The following PKIG variants were observed in gnomAD, a reference collection of about 807,000 sequenced individuals.
PKIG encodes the protein protein kinase (cAMP-dependent, catalytic) inhibitor gamma.
PKIG carries 1 observed loss-of-function variant against 6.8 expected under a neutral mutation model. That is an observed-to-expected ratio of 0.15 (90% CI 0.05 to 0.69). The LOEUF (loss-of-function observed/expected upper bound fraction) is 0.69, where lower values mean the gene tolerates loss of function less well. PKIG is among the 30% of genes least tolerant of loss of function. The pLI, the probability that PKIG is intolerant of heterozygous loss-of-function variation, is 0.82. For synonymous variants in PKIG, 39 were observed against 43.0 expected (o/e 0.91, Z 0.36); for missense variants, 77 against 104.0 (o/e 0.74, Z 1.13).
intron 1 of PKIG, among the ~76,000 whole-genome samples, chr20:44,571,500 A>C (rs772866622): frequency 1.3e-5 from 2 of 152,174 alleles, no homozygotes; most frequent in Non-Finnish European, 2.9e-5. Context: ...CCATTATACT[A>C]TAAACCGTTG....
In PKIG at chr20:44,610,980, C is replaced by A. The variant is rs557324232; in HGVS notation, c.-23-3554C>A. 4.0e-5 allele frequency among the ~76,000 whole-genome samples: 6 copies of A among 151,750 alleles called. No individual in the cohort carries two copies. The South Asian group carries it at 6.2e-4, about 16-fold the overall frequency. ...AGATCAGGGCAGTTAGCATATCCAT[C>A]ATCTCATGCATTTATTTCTTTGTGA... On this transcript the variant is annotated intron_variant, in intron 2 of 3. Transcript: ENST00000372886.
chr20:44,617,964 C>T (rs1384504528), intron 3 of PKIG, among the ~76,000 whole-genome samples: 2 of 152,092 alleles, frequency 1.3e-5, no homozygotes, highest in East Asian at 1.9e-4. Flanking sequence ...GGGGACTTAA[C>T]ATCTGGCCTC....
intron 2 of PKIG, among the ~76,000 whole-genome samples, chr20:44,597,502 A>AT (rs1182389329): frequency 3.9e-5 from 6 of 152,200 alleles, no homozygotes. Flanking sequence ...GAAGGAATGG[A>AT]TGAATACTAT....
intron 2 of PKIG, among the ~76,000 whole-genome samples, chr20:44,605,564 C>T (rs890895789): frequency 2.0e-5 from 3 of 151,956 alleles, no homozygotes; most frequent in African/African-American, 7.3e-5. Context: ...CTAATTCATA[C>T]CTTATTACAG....
chr20:44,590,669 G>A (rs2123384461), intron 2 of PKIG, among the ~76,000 whole-genome samples: 1 of 152,246 alleles, frequency 6.6e-6, no homozygotes, highest in East Asian at 1.9e-4. Context: ...GGTTGTTAAG[G>A]TATCAGAATT....
intron 1 of PKIG, among the ~76,000 whole-genome samples, chr20:44,555,006 A>G (rs1346585309): frequency 6.6e-6 from 1 of 152,188 alleles, no homozygotes; most frequent in Admixed American, 6.5e-5. Flanking sequence ...GTTGAAGCTT[A>G]ATATCATTTA....
chr20:44,540,043 G>C (rs1228450890), intron 1 of PKIG, among the ~76,000 whole-genome samples: 1 of 151,728 alleles, frequency 6.6e-6, no homozygotes, highest in Non-Finnish European at 1.5e-5. Context: ...TCACTGCAAC[G>C]TCCACCTCCA....
chr20:44,603,496 A>C (rs1600892997), intron 2 of PKIG, among the ~76,000 whole-genome samples: 1 of 151,970 alleles, frequency 6.6e-6, no homozygotes, highest in East Asian at 1.9e-4. Context: ...GATGCCTTCT[A>C]CCCTGCCACC....
chr20:44,559,684 T>C (rs1053340513), intron 1 of PKIG, among the ~76,000 whole-genome samples: 1 of 152,230 alleles, frequency 6.6e-6, no homozygotes, highest in African/African-American at 2.4e-5. Flanking sequence ...ACTTAAAAAA[T>C]GATACATTTC....
chr20:44,568,258 A>G (rs1393241946), intron 1 of PKIG, among the ~76,000 whole-genome samples: 1 of 152,126 alleles, frequency 6.6e-6, no homozygotes, highest in East Asian at 1.9e-4. Context: ...AACTTTTCGT[A>G]TTTTTTCTTT....
chr20:44,617,449 T>C (rs536397750), intron 3 of PKIG, among the ~76,000 whole-genome samples: 2 of 152,164 alleles, frequency 1.3e-5, no homozygotes, highest in South Asian at 2.1e-4. Flanking sequence ...AGTTTGGCAC[T>C]CCCCTCAACC....
chr20:44,610,553 C>G (rs985884137), intron 2 of PKIG, among the ~76,000 whole-genome samples: 12 of 148,258 alleles, frequency 8.1e-5, no homozygotes, highest in East Asian at 3.9e-4. Flanking sequence ...TGGCTCAACC[C>G]CACCCTGGGT....
In PKIG at chr20:44,553,256, A is replaced by G. The variant is rs557994350; in HGVS notation, c.-241+21278A>G. The stretch of plus-strand genomic sequence containing the variant: ...TCCATCCCAGGAAAGGCTAAAGTTT[A>G]TGCTGCCTCGGAGTGCCAGTATGAC... On this transcript the variant is annotated intron_variant, in intron 1 of 4. Transcript: ENST00000372887. 2.2e-4 allele frequency among the ~76,000 whole-genome samples: 34 copies of G among 152,304 alleles called. No homozygotes were observed. The South Asian group carries it at 6.4e-3, about 29-fold the overall frequency.
At chr20:44,540,659 A>T (rs570982922) in intron 1 of PKIG, among the ~76,000 whole-genome samples, 1 of 152,052 alleles carries the variant, frequency 6.6e-6, no homozygotes, top group East Asian at 1.9e-4. Context: ...ACTCACTGCA[A>T]CCTCTACCTC....
At chr20:44,607,698 T>C (rs2065178534) in intron 2 of PKIG, among the ~76,000 whole-genome samples, 1 of 149,692 alleles carries the variant, frequency 6.7e-6, no homozygotes, top group African/African-American at 2.5e-5. Context: ...TTTTTTTTTT[T>C]TTTTGAGACG....
chr20:44,533,769 A>G (rs1038902312), intron 1 of PKIG, among the ~76,000 whole-genome samples: 1 of 152,226 alleles, frequency 6.6e-6, no homozygotes, highest in Non-Finnish European at 1.5e-5. Flanking sequence ...CACTAAAAGA[A>G]ATGGCTAGAG....
At chr20:44,563,145 A>G (rs1199352113) in intron 1 of PKIG, among the ~76,000 whole-genome samples, 1 of 152,228 alleles carries the variant, frequency 6.6e-6, no homozygotes, top group Non-Finnish European at 1.5e-5. Context: ...ACTTAAGAGA[A>G]AGAATTAATA....
chr20:44,613,638 A>G (rs1019401212), intron 2 of PKIG, among the ~76,000 whole-genome samples: 3 of 152,034 alleles, frequency 2.0e-5, no homozygotes, highest in African/African-American at 7.2e-5. Context: ...TCAATCCAAC[A>G]CTACTTCTTG....
intron 1 of PKIG, among the ~76,000 whole-genome samples, chr20:44,576,839 A>G (rs554222811): frequency 9.2e-5 from 14 of 152,288 alleles, no homozygotes; most frequent in African/African-American, 2.9e-4. Flanking sequence ...ACAGTGTGAT[A>G]TCCTGCGAAC....
Sources: gnomAD v4.1 joint callset for allele counts (sites outside exome capture counted in the v4.1 genomes callset) on GRCh38, gnomAD v4.1.1 for gene constraint, MANE v1.5 for transcripts, NCBI Gene and HGNC (gene_info 2026-07-23, HGNC 2026-07-21) for gene names.